Variants in CNGB3 observed in about 807,000 individuals in gnomAD.
CNGB3 encodes cyclic nucleotide gated channel subunit beta 3, also known as cyclic nucleotide-gated channel beta-3.
Under a neutral mutation model 92.8 loss-of-function variants are expected in CNGB3, and 86 were observed. That is an observed-to-expected ratio of 0.93 (90% CI 0.78 to 1.11). The LOEUF (loss-of-function observed/expected upper bound fraction) is 1.11, where lower values mean the gene tolerates loss of function less well. Ranked by LOEUF, CNGB3 falls within the 50% of genes least tolerant of loss-of-function variation. The probability of loss-of-function intolerance (pLI) is 0.00; values close to 1 mark genes in which losing one functional copy is unlikely to be tolerated. For missense variants in CNGB3, 1,026 were observed against 956.8 expected (o/e 1.07, Z -0.95); for synonymous variants, 333 against 332.7 (o/e 1.00, Z -0.01).
At chr8:86,726,013 C>T (rs919114508) in intron 3 of CNGB3, among the ~76,000 whole-genome samples, 40 of 152,204 alleles carry the variant, frequency 2.6e-4, no homozygotes, top group African/African-American at 8.9e-4. Flanking sequence ...AATACTCTTA[C>T]GGGAAGTACT....
At chr8:86,709,742 T>C (rs542531308) in intron 3 of CNGB3, among the ~76,000 whole-genome samples, 40 of 152,226 alleles carry the variant, frequency 2.6e-4, no homozygotes, top group Middle Eastern at 3.4e-3. Context: ...AAAGGAAGAA[T>C]GATCAAGACA....
At chr8:86,738,924 G>T (rs1483123961) in intron 2 of CNGB3, among the ~76,000 whole-genome samples, 1 of 152,080 alleles carries the variant, frequency 6.6e-6, no homozygotes, top group Non-Finnish European at 1.5e-5. Flanking sequence ...GGACATCCTG[G>T]TTAAAGGAAT....
chr8:86,676,657 G>T (rs949364526), intron 3 of CNGB3, among the ~76,000 whole-genome samples: 1 of 152,158 alleles, frequency 6.6e-6, no homozygotes, highest in Non-Finnish European at 1.5e-5. Context: ...TTCCATGTTT[G>T]GTCATTGTAC....
intron 3 of CNGB3, among the ~76,000 whole-genome samples, chr8:86,724,018 G>A (rs990126853): frequency 5.3e-5 from 8 of 152,118 alleles, no homozygotes; most frequent in African/African-American, 1.9e-4. Flanking sequence ...ATAGACATCA[G>A]AGCCTACTTG....
chr8:86,659,957 A>G (rs1756892044), intron 6 of CNGB3: 1 of 336,940 alleles, frequency 3.0e-6, no homozygotes, highest in Non-Finnish European at 6.0e-6. Flanking sequence ...GCTCTTGATC[A>G]ATGAGAAAGT....
rs115937706 is a variant in CNGB3, at chr8:86,635,402, C to T, written c.1179-2509G>A. Among the ~76,000 whole-genome samples the T allele has an allele frequency of 3.2e-3, 493 of 152,094 alleles. 1 individual carries two copies. The highest frequency in any genetic ancestry group is 0.011 in the African/African-American group (462 of 41,524). On this transcript the variant is annotated intron_variant, in intron 10 of 17. Coordinates refer to ENST00000320005, the MANE Select transcript of CNGB3 (RefSeq NM_019098.5). Reference sequence around the variant, plus strand: ...AAAGTTTGTCCTACTTTAACAGGAACAAACATAAGAATTACTTTCTCCCAT... The same window carrying T: ...AAAGTTTGTCCTACTTTAACAGGAATAAACATAAGAATTACTTTCTCCCAT...
At chr8:86,734,544 G>T (rs891124265) in intron 2 of CNGB3, among the ~76,000 whole-genome samples, 1 of 152,204 alleles carries the variant, frequency 6.6e-6, no homozygotes, top group African/African-American at 2.4e-5. Context: ...CTACCACGTG[G>T]TTGGTTAGAG....
rs562749509 is a variant in CNGB3 at position 86,693,908 on chromosome 8, C to T, written c.339-22810G>A. On this transcript the variant is annotated intron_variant, in intron 3 of 17. Coordinates refer to ENST00000320005, the MANE Select transcript of CNGB3 (RefSeq NM_019098.5). ...CTTTTCCCCACCCTTCCCCCCCTCT[C>T]CATTCCACAAAACCGCCATTGTCAT... 2.7e-4 allele frequency among the ~76,000 whole-genome samples: 41 copies of T among 151,368 alleles called. No homozygotes were observed. The East Asian group carries it at 7.9e-3, about 29-fold the overall frequency.
At chr8:86,640,032 C>T (rs950737574) in intron 10 of CNGB3, among the ~76,000 whole-genome samples, 1 of 151,934 alleles carries the variant, frequency 6.6e-6, no homozygotes, top group Admixed American at 6.6e-5. Flanking sequence ...AGTTTCTAAT[C>T]CTTGGGTGCA....
intron 15 of CNGB3, among the ~76,000 whole-genome samples, chr8:86,592,953 T>C (rs1196907909): frequency 6.6e-6 from 1 of 152,204 alleles, no homozygotes; most frequent in Admixed American, 6.5e-5. Flanking sequence ...AGCAAAACTT[T>C]TATGGCTAGG....
chr8:86,684,591 C>T (rs1659827157), intron 3 of CNGB3, among the ~76,000 whole-genome samples: 1 of 150,378 alleles, frequency 6.6e-6, no homozygotes, highest in South Asian at 2.1e-4. Flanking sequence ...CTGGAAGTAA[C>T]CTGGATGTCT....
chr8:86,589,738 T>G (rs1821984483), intron 15 of CNGB3, among the ~76,000 whole-genome samples: 1 of 152,136 alleles, frequency 6.6e-6, no homozygotes, highest in African/African-American at 2.4e-5. Flanking sequence ...TTACATTTGC[T>G]GAGGAGAGCT....
At chr8:86,661,136 A>T (rs1291719338) in intron 6 of CNGB3, 3 of 224,982 alleles carry the variant, frequency 1.3e-5, no homozygotes, top group African/African-American at 4.7e-5. Context: ...TATATAACAG[A>T]TTCATACTTT....
chr8:86,629,001 C>T lies in CNGB3; in HGVS notation c.1398G>A (p.Met466Ile). 2 of 1,613,996 alleles carry T rather than the reference C, an allele frequency of 1.2e-6. No homozygotes were observed. The highest frequency in any genetic ancestry group is 1.7e-6 in the Non-Finnish European group (2 of 1,179,962). The change falls in exon 12 of 18, where the codon ATG (methionine) becomes ATA (isoleucine). Residue 466 changes from methionine (M) to isoleucine (I), a missense_variant. Met to Ile is a conservative substitution (Grantham distance 10). Coordinates refer to ENST00000320005, the MANE Select transcript of CNGB3 (RefSeq NM_019098.5). ...CAAGTTTAGGAATGGAGTAATTGTT[C>T]ATGTAGGCAATGGTGTCATCCATGC... The part of the protein sequence containing the change: ...RACMDDTIAY[M>I]NNYSIPKLVQ...
chr8:86,633,746 A>G (rs1823008833), intron 10 of CNGB3, among the ~76,000 whole-genome samples: 1 of 152,260 alleles, frequency 6.6e-6, no homozygotes, highest in Non-Finnish European at 1.5e-5. Context: ...GGAATATTAT[A>G]GAGATCAAAT....
chr8:86,589,000 T>A (rs1821961390), intron 15 of CNGB3, among the ~76,000 whole-genome samples: 1 of 152,220 alleles, frequency 6.6e-6, no homozygotes, highest in African/African-American at 2.4e-5. Flanking sequence ...CTATTGAATA[T>A]TGCCACAATT....
rs114127590 is a variant in CNGB3 at position 86,632,899 on chromosome 8, A to G, written c.1179-6T>C. ...AATAATAACATCTCAGATACCTGTG[A>G]AAACAGAAGATATACATTTTGCTTT... On this transcript the variant is annotated splice_region_variant and splice_polypyrimidine_tract_variant and intron_variant, in intron 10 of 17. Coordinates refer to ENST00000320005, the MANE Select transcript of CNGB3 (RefSeq NM_019098.5). The G allele has an allele frequency of 5.9e-4, 945 of 1,611,798 alleles. 4 individuals carry two copies. In the African/African-American group the frequency reaches 0.011, roughly 18 times the overall value.
chr8:86,714,825 C>A (rs1824819910), intron 3 of CNGB3, among the ~76,000 whole-genome samples: 1 of 152,128 alleles, frequency 6.6e-6, no homozygotes, highest in African/African-American at 2.4e-5. Flanking sequence ...GAGACCAGCC[C>A]TTAGGACTGC....
At chr8:86,608,285 C>A (rs1362740278) in intron 14 of CNGB3, among the ~76,000 whole-genome samples, 1 of 152,186 alleles carries the variant, frequency 6.6e-6, no homozygotes, top group Non-Finnish European at 1.5e-5. Flanking sequence ...TGAGAAGTGA[C>A]CAGAAGACAA....
Sources: allele counts gnomAD v4.1 joint callset (sites outside exome capture counted in the v4.1 genomes callset), GRCh38; gene constraint gnomAD v4.1.1; transcripts MANE v1.5; gene names NCBI Gene and HGNC (gene_info 2026-07-23, HGNC 2026-07-21).